SORCS3: variants seen among roughly 807,000 people sequenced by gnomAD.
SORCS3 encodes VPS10 domain-containing receptor SorCS3.
In SORCS3, 57 loss-of-function variants were observed where a neutral mutation model predicts 146.3. That is an observed-to-expected ratio of 0.39 (90% CI 0.31 to 0.49). SORCS3 has a LOEUF of 0.49. Among genes scored for constraint, SORCS3 ranks in the 20% least tolerant of loss-of-function variants. The pLI is 0.92. For missense variants in SORCS3, 1,341 were observed against 1,575.5 expected (o/e 0.85, Z 2.52); for synonymous variants, 653 against 618.5 (o/e 1.06, Z -0.83).
intron 5 of SORCS3, among the ~76,000 whole-genome samples, chr10:105,043,905 T>C (rs2055353162): frequency 6.6e-6 from 1 of 152,168 alleles, no homozygotes; most frequent in Non-Finnish European, 1.5e-5. Context: ...ATTTTTATCT[T>C]GGTTGTAACA....
chr10:105,081,637 T>G (rs1422610546), intron 5 of SORCS3, among the ~76,000 whole-genome samples: 1 of 152,220 alleles, frequency 6.6e-6, no homozygotes, highest in Non-Finnish European at 1.5e-5. Flanking sequence ...TGAAGCCACT[T>G]GACCTTTTCT....
intron 5 of SORCS3, among the ~76,000 whole-genome samples, chr10:105,060,310 T>C (rs1460292493): frequency 1.3e-5 from 2 of 152,178 alleles, no homozygotes; most frequent in Non-Finnish European, 1.5e-5. Flanking sequence ...TAGGTCAGTC[T>C]GTCAAGAAGT....
intron 5 of SORCS3, among the ~76,000 whole-genome samples, chr10:105,064,245 G>T (rs1344569477): frequency 2.0e-5 from 3 of 152,134 alleles, no homozygotes; most frequent in African/African-American, 7.2e-5. Flanking sequence ...ATGATTAAAG[G>T]TTGCCATGGT....
chr10:104,841,840 A>T (rs1380446049), intron 1 of SORCS3, among the ~76,000 whole-genome samples: 1 of 152,188 alleles, frequency 6.6e-6, no homozygotes. Flanking sequence ...AATTTAGATA[A>T]ACACAATTAT....
chr10:104,769,488 G>A (rs2017222386), intron 1 of SORCS3, among the ~76,000 whole-genome samples: 1 of 152,220 alleles, frequency 6.6e-6, no homozygotes, highest in South Asian at 2.1e-4. Flanking sequence ...ATGTGCCTAG[G>A]TTTGGGGAGA....
intron 3 of SORCS3, among the ~76,000 whole-genome samples, chr10:104,925,956 T>G (rs529471871): frequency 6.6e-6 from 1 of 152,358 alleles, no homozygotes; most frequent in East Asian, 1.9e-4. Flanking sequence ...AGTTGTAATT[T>G]TGTTTGAAAG....
intron 3 of SORCS3, among the ~76,000 whole-genome samples, chr10:104,917,821 T>G (rs2019048051): frequency 6.6e-6 from 1 of 152,238 alleles, no homozygotes; most frequent in Non-Finnish European, 1.5e-5. Context: ...CAAGATTTCC[T>G]TTTTTATGGA....
intron 1 of SORCS3, among the ~76,000 whole-genome samples, chr10:104,680,795 T>C (rs2015961572): frequency 6.6e-6 from 1 of 152,190 alleles, no homozygotes; most frequent in Non-Finnish European, 1.5e-5. Flanking sequence ...TTTTGCTCTG[T>C]AGGAAGCAGG....
chr10:105,020,304 A>G (rs2133688152), intron 4 of SORCS3, among the ~76,000 whole-genome samples: 1 of 152,352 alleles, frequency 6.6e-6, no homozygotes, highest in Middle Eastern at 3.4e-3. Context: ...CTGACCACAT[A>G]GAATACTTTC....
chr10:104,830,613 T>C (rs2017989635), intron 1 of SORCS3, among the ~76,000 whole-genome samples: 1 of 152,146 alleles, frequency 6.6e-6, no homozygotes, highest in Non-Finnish European at 1.5e-5. Context: ...ATGCTTTCCA[T>C]TGGCTGAACT....
intron 4 of SORCS3, among the ~76,000 whole-genome samples, chr10:105,042,577 C>T (rs1314089809): frequency 1.3e-5 from 2 of 152,020 alleles, no homozygotes; most frequent in East Asian, 1.9e-4. Context: ...AGTGGCCTAG[C>T]CATCTTGCAA....
intron 6 of SORCS3, among the ~76,000 whole-genome samples, chr10:105,092,608 A>AACACACACACACACACACACACAC (rs61665816): frequency 6.8e-6 from 1 of 147,268 alleles, no homozygotes; most frequent in Non-Finnish European, 1.5e-5. Context: ...TGCATTCACA[A>AACACACACACACACACACACACAC]ACACACACAC....
At chr10:105,187,178 A>G (rs1191670642) in intron 14 of SORCS3, among the ~76,000 whole-genome samples, 1 of 152,060 alleles carries the variant, frequency 6.6e-6, no homozygotes, top group Non-Finnish European at 1.5e-5. Context: ...TTCTCTCCCA[A>G]TGCTTTTTAG....
intron 2 of SORCS3, among the ~76,000 whole-genome samples, chr10:104,893,993 T>C (rs1166609790): frequency 6.6e-6 from 1 of 152,194 alleles, no homozygotes; most frequent in African/African-American, 2.4e-5. Flanking sequence ...TGTCAATAAA[T>C]TACTTCTTCC....
intron 16 of SORCS3, among the ~76,000 whole-genome samples, chr10:105,203,628 G>A (rs1157867310): frequency 1.3e-5 from 2 of 151,996 alleles, no homozygotes; most frequent in African/African-American, 4.8e-5. Context: ...TACTGGTCTG[G>A]GCAAAAATTC....
chr10:105,053,383 G>T (rs1307551820), intron 5 of SORCS3, among the ~76,000 whole-genome samples: 1 of 151,854 alleles, frequency 6.6e-6, no homozygotes, highest in Non-Finnish European at 1.5e-5. Context: ...GAAGTGGAGA[G>T]GCAATGCCAG....
At chr10:105,098,140 G>A (rs1390652036) in intron 6 of SORCS3, among the ~76,000 whole-genome samples, 1 of 152,064 alleles carries the variant, frequency 6.6e-6, no homozygotes, top group East Asian at 1.9e-4. Context: ...TTAAAATATT[G>A]ATTAATTCAA....
chr10:104,771,720 T>C (rs193098628), intron 1 of SORCS3, among the ~76,000 whole-genome samples: 186 of 151,642 alleles, frequency 1.2e-3, no homozygotes, highest in Non-Finnish European at 2.0e-3. Context: ...GGATAAGGAG[T>C]AGTCCAGGAC....
At chr10:105,039,451 C>CTTTTTT (rs920662213) in intron 4 of SORCS3, among the ~76,000 whole-genome samples, 16 of 96,540 alleles carry the variant, frequency 1.7e-4, no homozygotes, top group Admixed American at 2.3e-4. Context: ...CTCTCGCTCT[C>CTTTTTT]TTTTTTTTTT....
Sources: gnomAD v4.1 joint callset for allele counts (sites outside exome capture counted in the v4.1 genomes callset) on GRCh38, gnomAD v4.1.1 for gene constraint, MANE v1.5 for transcripts, NCBI Gene and HGNC (gene_info 2026-07-23, HGNC 2026-07-21) for gene names.